The following ABTB3 variants were observed in gnomAD, a reference collection of about 807,000 sequenced individuals.
The protein encoded by ABTB3 is ankyrin repeat and BTB domain containing 3.
At chr12:107,612,966 G>A in the ABTB3 span, 5 of 1,129,816 alleles carry the variant, frequency 4.4e-6, no homozygotes, top group Admixed American at 2.0e-5. Context: ...CTGCCACTGA[G>A]GGTGCACAGT....
the ABTB3 span, among the ~76,000 whole-genome samples, chr12:107,436,365 T>G: frequency 6.6e-6 from 1 of 152,314 alleles, no homozygotes; most frequent in East Asian, 1.9e-4. Flanking sequence ...AATCAACCCA[T>G]GCTGGGAGTG....
the ABTB3 span, among the ~76,000 whole-genome samples, chr12:107,615,663 A>G: frequency 7.2e-5 from 11 of 152,226 alleles, no homozygotes; most frequent in African/African-American, 2.4e-4. Context: ...GGAGGTCTAG[A>G]GTAGGGCCTT....
the ABTB3 span, chr12:107,581,045 G>A: frequency 6.5e-7 from 1 of 1,550,026 alleles, no homozygotes; most frequent in Non-Finnish European, 8.7e-7. Flanking sequence ...GGGCTGGGGA[G>A]TCGGGAGATG....
the ABTB3 span, chr12:107,520,723 C>T: frequency 2.0e-6 from 3 of 1,523,648 alleles, no homozygotes; most frequent in Non-Finnish European, 2.7e-6. Flanking sequence ...ATGCCAACCC[C>T]TCAGGGCACT....
chr12:107,458,471 T>C, the ABTB3 span, among the ~76,000 whole-genome samples: 1 of 152,084 alleles, frequency 6.6e-6, no homozygotes, highest in Non-Finnish European at 1.5e-5. Context: ...AGACAGAATC[T>C]AGGGGGATAG....
chr12:107,424,253 A>C, the ABTB3 span, among the ~76,000 whole-genome samples: 1 of 152,212 alleles, frequency 6.6e-6, no homozygotes, highest in Non-Finnish European at 1.5e-5. Flanking sequence ...ATTCAGGTTC[A>C]GCGCTTCTCC....
the ABTB3 span, among the ~76,000 whole-genome samples, chr12:107,359,371 C>T: frequency 6.6e-6 from 1 of 152,208 alleles, no homozygotes; most frequent in Non-Finnish European, 1.5e-5. Flanking sequence ...TGTGCATCCT[C>T]TGGGCTTCTA....
At chr12:107,543,422 G>T in the ABTB3 span, among the ~76,000 whole-genome samples, 1 of 151,980 alleles carries the variant, frequency 6.6e-6, no homozygotes, top group South Asian at 2.1e-4. Context: ...TCTAGAGGGG[G>T]TTTCCTAGAG....
chr12:107,459,707 A>G, the ABTB3 span, among the ~76,000 whole-genome samples: 1 of 152,240 alleles, frequency 6.6e-6, no homozygotes, highest in African/African-American at 2.4e-5. Flanking sequence ...CTAGCTCCTC[A>G]GCCATTTATT....
chr12:107,628,576 G>T, the ABTB3 span, among the ~76,000 whole-genome samples: 3 of 152,124 alleles, frequency 2.0e-5, no homozygotes, highest in Non-Finnish European at 4.4e-5. Context: ...TTTGAAACAG[G>T]TCTGAAGATA....
the ABTB3 span, among the ~76,000 whole-genome samples, chr12:107,570,024 G>A: frequency 8.4e-4 from 128 of 152,274 alleles, no homozygotes; most frequent in Admixed American, 1.6e-3. Context: ...ACAAGGAACC[G>A]CTGCTTAGAC....
At chr12:107,393,955 G>A in the ABTB3 span, among the ~76,000 whole-genome samples, 5 of 152,062 alleles carry the variant, frequency 3.3e-5, no homozygotes, top group African/African-American at 1.2e-4. Flanking sequence ...AAAAAAGAAT[G>A]AATGATAAAA....
At chr12:107,595,529 T>C in the ABTB3 span, among the ~76,000 whole-genome samples, 10 of 152,170 alleles carry the variant, frequency 6.6e-5, no homozygotes, top group African/African-American at 1.2e-4. Flanking sequence ...TAGGAATATA[T>C]ATTTCTTTGG....
At chr12:107,581,046 T>C in the ABTB3 span, 2 of 1,547,608 alleles carry the variant, frequency 1.3e-6, no homozygotes, top group Non-Finnish European at 1.7e-6. Flanking sequence ...GGCTGGGGAG[T>C]CGGGAGATGG....
At chr12:107,350,336 G>A in the ABTB3 span, among the ~76,000 whole-genome samples, 1 of 152,088 alleles carries the variant, frequency 6.6e-6, no homozygotes, top group African/African-American at 2.4e-5. Flanking sequence ...GGATCACGAG[G>A]TCAGGAGATT....
chr12:107,610,161 A>G, the ABTB3 span: 5 of 1,613,934 alleles, frequency 3.1e-6, no homozygotes, highest in East Asian at 2.2e-5. Context: ...AAGCCGCTGT[A>G]CCCGCATGAT....
At chr12:107,469,966 T>C in the ABTB3 span, among the ~76,000 whole-genome samples, 324 of 74,906 alleles carry the variant, frequency 4.3e-3, 1 homozygote, top group African/African-American at 0.01. Context: ...CTTTCTTTCT[T>C]TCTTTCTTTC....
At chr12:107,630,403 C>T in the ABTB3 span, among the ~76,000 whole-genome samples, 1 of 150,542 alleles carries the variant, frequency 6.6e-6, no homozygotes, top group African/African-American at 2.4e-5. Flanking sequence ...CAGTTAAAGC[C>T]TCCACCCTCC....
chr12:107,461,896 T>C, the ABTB3 span, among the ~76,000 whole-genome samples: 3 of 152,140 alleles, frequency 2.0e-5, no homozygotes, highest in African/African-American at 7.2e-5. Context: ...GGAATTCAAA[T>C]ATGCTGATGA....
Sources: allele counts gnomAD v4.1 joint callset (sites outside exome capture counted in the v4.1 genomes callset), GRCh38; gene constraint gnomAD v4.1.1; transcripts MANE v1.5; gene names NCBI Gene and HGNC (gene_info 2026-07-23, HGNC 2026-07-21).